Variants in SORCS2 observed in about 807,000 individuals in gnomAD.
SORCS2 encodes sortilin related VPS10 domain containing receptor 2, also known as VPS10 domain-containing receptor SorCS2.
Under a neutral mutation model 141.6 loss-of-function variants are expected in SORCS2, and 100 were observed. The ratio of observed to expected loss-of-function variants is 0.71; its 90% CI spans 0.60 to 0.83. SORCS2 has a LOEUF of 0.83. SORCS2 is among the 40% of genes least tolerant of loss of function. The pLI is 0.00. For synonymous variants in SORCS2, 789 were observed against 676.9 expected (o/e 1.17, Z -2.57); for missense variants, 1,646 against 1,560.2 (o/e 1.05, Z -0.93).
At chr4:7,519,540 AC>A (rs1385923267) in intron 2 of SORCS2, among the ~76,000 whole-genome samples, 3 of 152,120 alleles carry the variant, frequency 2.0e-5, no homozygotes. Context: ...TCTGGAAGAG[AC>A]CCAGCACGTG....
chr4:7,305,131 G>T, intron 1 of SORCS2, among the ~76,000 whole-genome samples: 1 of 151,266 alleles, frequency 6.6e-6, no homozygotes, highest in South Asian at 2.1e-4. Flanking sequence ...TCCCGGGTTC[G>T]TGCCATTCTC....
chr4:7,337,934 G>C (rs1054947391), intron 1 of SORCS2, among the ~76,000 whole-genome samples: 10 of 152,054 alleles, frequency 6.6e-5, no homozygotes, highest in Non-Finnish European at 1.2e-4. Context: ...GCAAGCCCAG[G>C]GTTCCTCTGC....
At chr4:7,653,955 C>T (rs1483882857) in intron 4 of SORCS2, among the ~76,000 whole-genome samples, 179 bp from the exon 5 acceptor site, 1 of 152,210 alleles carries the variant, frequency 6.6e-6, no homozygotes, top group South Asian at 2.1e-4. Flanking sequence ...GGAATGGTTC[C>T]TCCTGGAGGC....
chr4:7,262,541 T>A (rs1481078073), intron 1 of SORCS2, among the ~76,000 whole-genome samples: 1 of 152,192 alleles, frequency 6.6e-6, no homozygotes, highest in Non-Finnish European at 1.5e-5. Context: ...GGACACCAGA[T>A]GAGAAGCAAA....
At chr4:7,607,029 C>T (rs1718103380) in intron 3 of SORCS2, among the ~76,000 whole-genome samples, 1 of 152,184 alleles carries the variant, frequency 6.6e-6, no homozygotes, top group Non-Finnish European at 1.5e-5. Context: ...GATTTCACTA[C>T]CAGCCTTCAG....
intron 26 of SORCS2, among the ~76,000 whole-genome samples, chr4:7,739,034 A>G (rs2148907655): frequency 6.6e-6 from 1 of 152,270 alleles, no homozygotes; most frequent in East Asian, 1.9e-4. Context: ...GCTCTGTGTC[A>G]GCCCCAGCTC....
At chr4:7,348,702 C>T (rs1212133876) in intron 1 of SORCS2, among the ~76,000 whole-genome samples, 1 of 152,158 alleles carries the variant, frequency 6.6e-6, no homozygotes, top group Non-Finnish European at 1.5e-5. Context: ...CAGGGGCGCA[C>T]CACCATGTCT....
chr4:7,689,637 G>T (rs1724090859), intron 11 of SORCS2, 49 bp downstream of exon 11: 1 of 1,503,690 alleles, frequency 6.7e-7, no homozygotes, highest in South Asian at 1.2e-5. Flanking sequence ...TACAGCCCAA[G>T]AGTACCTCCA....
intron 1 of SORCS2, among the ~76,000 whole-genome samples, chr4:7,225,809 G>A (rs1230313199): frequency 6.6e-6 from 1 of 152,186 alleles, no homozygotes; most frequent in Non-Finnish European, 1.5e-5. Context: ...TCCTTCCAGC[G>A]TGGTGTCCGT....
intron 6 of SORCS2, among the ~76,000 whole-genome samples, chr4:7,662,545 G>T (rs1722243667): frequency 6.6e-6 from 1 of 152,186 alleles, no homozygotes; most frequent in South Asian, 2.1e-4. Context: ...GCTGCTGAAT[G>T]AATAAGCACC....
chr4:7,514,116 G>A (rs1732830397), intron 2 of SORCS2, among the ~76,000 whole-genome samples: 1 of 152,144 alleles, frequency 6.6e-6, no homozygotes, highest in Non-Finnish European at 1.5e-5. Context: ...AAGCTGCAAG[G>A]GGTGGCTGAT....
chr4:7,215,513 G>A (rs75532972), intron 1 of SORCS2, among the ~76,000 whole-genome samples: 48,199 of 152,036 alleles, frequency 0.32, 8,319 homozygotes, highest in Non-Finnish European at 0.39. Flanking sequence ...TGAGGAGTGC[G>A]AGTGCATGGC....
At chr4:7,457,457 AG>A (rs1728986882) in intron 2 of SORCS2, among the ~76,000 whole-genome samples, 1 of 151,512 alleles carries the variant, frequency 6.6e-6, no homozygotes, top group African/African-American at 2.4e-5. Context: ...GGCTCACACC[AG>A]GGAGCGTGCC....
At chr4:7,263,138 C>A (rs994095209) in intron 1 of SORCS2, among the ~76,000 whole-genome samples, 1 of 152,168 alleles carries the variant, frequency 6.6e-6, no homozygotes, top group Non-Finnish European at 1.5e-5. Flanking sequence ...TGTGAAATTA[C>A]CACCCTCCAT....
At chr4:7,410,949 CT>C (rs5855962) in intron 2 of SORCS2, among the ~76,000 whole-genome samples, 13,144 of 72,972 alleles carry the variant, frequency 0.18, 363 homozygotes, top group East Asian at 0.32. Flanking sequence ...TCTCTCCATC[CT>C]TTTTTTTTTT....
At chr4:7,303,732 C>T (rs1316528184) in intron 1 of SORCS2, among the ~76,000 whole-genome samples, 1 of 152,272 alleles carries the variant, frequency 6.6e-6, no homozygotes, top group Non-Finnish European at 1.5e-5. Context: ...GCTCAGTCAT[C>T]ACTTGCTGAA....
At chr4:7,734,440 C>T in intron 25 of SORCS2, 66 bp downstream of exon 25, 1 of 1,137,688 alleles carries the variant, frequency 8.8e-7, no homozygotes, top group East Asian at 2.8e-5. Context: ...CCAGGCCCAA[C>T]TCACTCAGGC....
At chr4:7,421,330 G>A (rs1577532660) in intron 2 of SORCS2, among the ~76,000 whole-genome samples, 1 of 152,192 alleles carries the variant, frequency 6.6e-6, no homozygotes, top group Non-Finnish European at 1.5e-5. Flanking sequence ...GGCTAAGAAC[G>A]CAGGCTTGTG....
intron 1 of SORCS2, among the ~76,000 whole-genome samples, chr4:7,384,122 C>T (rs901831358): frequency 6.6e-6 from 1 of 152,166 alleles, no homozygotes; most frequent in Non-Finnish European, 1.5e-5. Flanking sequence ...CCCACAGTCC[C>T]TGCAGAGGCC....
Sources: allele counts gnomAD v4.1 joint callset (sites outside exome capture counted in the v4.1 genomes callset), GRCh38; gene constraint gnomAD v4.1.1; transcripts MANE v1.5; gene names NCBI Gene and HGNC (gene_info 2026-07-23, HGNC 2026-07-21).